Variants in ATXN7L2 observed in about 807,000 individuals in gnomAD.
ATXN7L2 encodes the protein ataxin 7 like 2.
Under a neutral mutation model 59.6 loss-of-function variants are expected in ATXN7L2, and 17 were observed. That is an observed-to-expected ratio of 0.29 (90% CI 0.20 to 0.43). ATXN7L2 has a LOEUF of 0.43. Ranked by LOEUF, ATXN7L2 falls within the 20% of genes least tolerant of loss-of-function variation. The pLI is 1.00. For missense variants in ATXN7L2, 858 were observed against 1,008.9 expected (o/e 0.85, Z 2.03); for synonymous variants, 378 against 392.5 (o/e 0.96, Z 0.44).
chr1:109,488,453 G>A lies in ATXN7L2; in HGVS notation c.867G>A (p.Leu289=), dbSNP rs781191079. The A allele has an allele frequency of 9.3e-6, 15 of 1,608,974 alleles. No individual in the cohort carries two copies. In the African/African-American group the frequency reaches 1.5e-4, roughly 16 times the overall value. ...AGACCAAAAAGATCTGTACCCGCCTGTTGACCTGCAAGGTAACCCCCTTCC... is the reference window on the plus strand; with the variant it reads ...AGACCAAAAAGATCTGTACCCGCCTATTGACCTGCAAGGTAACCCCCTTCC... The part of the protein sequence containing the change: ...NPETKKICTR[L]LTCKIHSVHQ... Residue 289 remains leucine (L), a synonymous_variant, in exon 6 of 11, where the codon CTG becomes CTA. Coordinates refer to ENST00000683729, the MANE Select transcript of ATXN7L2 (RefSeq NM_001350175.2). This position sits in a 1 kb window ranked among gnomAD's most constrained non-coding sequence, Gnocchi z 5.0.
At chr1:109,485,280 G>C in intron 1 of ATXN7L2, 1 of 877,418 alleles carries the variant, frequency 1.1e-6, no homozygotes, top group Non-Finnish European at 1.3e-6. Flanking sequence ...GAGGTAGGGG[G>C]ATGGGGAAAA....
At chr1:109,484,108 G>T in intron 1 of ATXN7L2, 28 bp downstream of exon 1, 1 of 1,477,954 alleles carries the variant, frequency 6.8e-7, no homozygotes, top group Non-Finnish European at 9.0e-7. Flanking sequence ...AAAGTCCGGG[G>T]ACCCCATCAC....
At chr1:109,485,980 G>A in intron 1 of ATXN7L2, 77 bp from the exon 2 acceptor site, 10 of 1,440,536 alleles carry the variant, frequency 6.9e-6, no homozygotes, top group Non-Finnish European at 8.2e-6. Flanking sequence ...CTTCTGGGAA[G>A]AACAGTCTCT....
chr1:109,488,207 C>G lies in ATXN7L2; in HGVS notation c.797-176C>G, dbSNP rs567756300. The stretch of plus-strand genomic sequence containing the variant: ...AATTGGGATAGGGATGGTTCTCACA[C>G]CCAGCAAGGAGATGTTGATGCCCAG... On this transcript the variant is annotated intron_variant, in intron 5 of 10. Transcript: ENST00000683729. The surrounding 1 kb of genome is among the most constrained non-coding windows in gnomAD (Gnocchi z 5.0). Among the ~76,000 whole-genome samples the G allele has an allele frequency of 2.0e-5, 3 of 152,220 alleles. No individual in the cohort carries two copies. The highest frequency in any genetic ancestry group is 7.2e-5 in the African/African-American group (3 of 41,454).
At chr1:109,485,929 C>T in intron 1 of ATXN7L2, 128 bp from the exon 2 acceptor site, 1 of 1,353,830 alleles carries the variant, frequency 7.4e-7, no homozygotes, top group African/African-American at 1.5e-5. Context: ...AGCTGCAGGC[C>T]CTGCTTGGGG....
At position 109,490,254 on chromosome 1, in the gene ATXN7L2, C is replaced by G. The variant is rs759325363; in HGVS notation, c.1333-17C>G. 1.2e-5 allele frequency: 20 copies of G among 1,613,040 alleles called. No homozygotes were observed. The South Asian group carries it at 2.2e-4, about 18-fold the overall frequency. On this transcript the variant is annotated splice_polypyrimidine_tract_variant and intron_variant, in intron 8 of 10. Coordinates refer to ENST00000683729, the MANE Select transcript of ATXN7L2 (RefSeq NM_001350175.2). ...ACCCCAGACCCTGCCAACCATGCAC[C>G]TTCCTTCTGCCTTTAGTTCTGCACC...
Position 109,491,150 on chromosome 1 carries a change from C to T in ATXN7L2, c.1683C>T (p.Ser561=), listed in dbSNP as rs999717899. Residue 561 remains serine, a synonymous_variant, in exon 10 of 11, where the codon AGC becomes AGT. Coordinates refer to ENST00000683729, the MANE Select transcript of ATXN7L2 (RefSeq NM_001350175.2). This position sits in a 1 kb window ranked among gnomAD's most constrained non-coding sequence, Gnocchi z 4.1. ...ACSQAECMGG[S]QAITSPLPAN... ...GCCAGGCAGAGTGCATGGGCGGGAG[C>T]CAGGCTATCACCTCACCACTGCCTG... 6.2e-7 allele frequency: 1 copy of T among 1,613,648 alleles called. No homozygotes were observed. The highest frequency in any genetic ancestry group is 1.3e-5 in the African/African-American group (1 of 75,068).
In ATXN7L2 at chr1:109,491,488, C is replaced by T; in HGVS notation, c.2021C>T (p.Ala674Val). ...SPHQLPTPVK[A>V]SQLENRGAAG... ...CATCAGCTCCCCACACCAGTCAAGG[C>T]TTCTCAGCTGGAGAACCGGGGAGCA... Residue 674 changes from alanine (A) to valine (V), a missense_variant, in exon 10 of 11, where the codon GCT (alanine) becomes GTT (valine). Ala to Val is a moderately conservative substitution (Grantham distance 64, BLOSUM62 0). Coordinates refer to ENST00000683729, the MANE Select transcript of ATXN7L2 (RefSeq NM_001350175.2). The surrounding 1 kb of genome is among the most constrained non-coding windows in gnomAD (Gnocchi z 4.1). 6.2e-7 allele frequency: 1 copy of T among 1,614,002 alleles called. No homozygotes were observed.
In ATXN7L2 at chr1:109,489,938, C is replaced by G. The variant is rs1473062293; in HGVS notation, c.1142C>G (p.Ala381Gly). The part of the protein sequence containing the change: ...YPYCALPRSR[A>G]SSESELDDEG... The stretch of plus-strand genomic sequence containing the variant: ...CCTTTTGGCCCTTCCAGGTCCCGGG[C>G]CTCCTCCGAGAGTGAATTGGATGAT... Residue 381 changes from alanine to glycine, a missense_variant, in exon 8 of 11, where the codon GCC becomes GGC. Ala to Gly is a moderately conservative substitution (Grantham distance 60, BLOSUM62 0). Transcript: ENST00000683729. The G allele has an allele frequency of 1.2e-6, 2 of 1,613,366 alleles. No homozygotes were observed. The highest frequency in any genetic ancestry group is 1.3e-5 in the African/African-American group (1 of 74,866).
In ATXN7L2 at chr1:109,490,010, C is replaced by G. The variant is rs928273132; in HGVS notation, c.1214C>G (p.Pro405Arg). 5.6e-6 allele frequency: 9 copies of G among 1,613,332 alleles called. No individual in the cohort carries two copies. Among genetic ancestry groups the G allele is most frequent in the Non-Finnish European group, 7.6e-6 (9 of 1,179,796 alleles). The change falls in exon 8 of 11, where the codon CCC becomes CGC. Residue 405 changes from proline (P) to arginine (R), a missense_variant. Pro to Arg is a moderately radical substitution (Grantham distance 103, BLOSUM62 -2). This residue lies in a region of ATXN7L2 where 734 missense variants were observed against 862.3 expected (regional missense o/e 0.85). Coordinates refer to ENST00000683729, the MANE Select transcript of ATXN7L2 (RefSeq NM_001350175.2). ...GGGGACCCAGGCCTGTTCCCCTTCCCCATGCCCCGGGGTGGGACCCAGGCC... is the reference window on the plus strand; with the variant it reads ...GGGGACCCAGGCCTGTTCCCCTTCCGCATGCCCCGGGGTGGGACCCAGGCC... ...GDGDPGLFPF[P>R]MPRGGTQASS...
Position 109,491,452 on chromosome 1 carries a change from G to A in ATXN7L2, c.1985G>A (p.Arg662His), listed in dbSNP as rs143266660. Residue 662 changes from arginine (R) to histidine (H), a missense_variant, in exon 10 of 11, where the codon CGT (arginine) becomes CAT (histidine). Physicochemically the swap from Arg to His is conservative, Grantham distance 29 (BLOSUM62 0). Around this residue, in one of 3 missense-constraint regions of ATXN7L2, gnomAD observed 734 missense variants for 862.3 expected, o/e 0.85. Transcript: ENST00000683729. The surrounding 1 kb of genome is among the most constrained non-coding windows in gnomAD (Gnocchi z 4.1). ...AAGCGGGCAGGGCCCCTGGACTGTC[G>A]TGGCTCCCCTCATCAGCTCCCCACA... ...RVKRAGPLDC[R>H]GSPHQLPTPV... is the part of the protein sequence containing the mutation. The A allele has an allele frequency of 2.2e-4, 349 of 1,614,030 alleles. 1 individual carries two copies. The African/African-American group carries it at 2.7e-3, about 12-fold the overall frequency.
intron 1 of ATXN7L2, among the ~76,000 whole-genome samples, chr1:109,484,721 G>A (rs1656450036): frequency 6.6e-6 from 1 of 152,138 alleles, no homozygotes; most frequent in African/African-American, 2.4e-5. Flanking sequence ...GCCTTAGTGA[G>A]CGGGCCTACA....
At position 109,483,915 on chromosome 1, in the gene ATXN7L2, C is replaced by G; in HGVS notation, c.-39C>G. On this transcript the variant is annotated 5_prime_UTR_variant, in exon 1 of 11. Transcript: ENST00000683729. ...ACGGGGCGAGGGGGAGGGGGCCGCGCGGCGGCGGCGCCAGGGCGGGCGCGC... is the reference window on the plus strand; with the variant it reads ...ACGGGGCGAGGGGGAGGGGGCCGCGGGGCGGCGGCGCCAGGGCGGGCGCGC... The G allele has an allele frequency of 8.6e-7, 1 of 1,161,018 alleles. No individual in the cohort carries two copies. Among genetic ancestry groups the G allele is most frequent in the East Asian group, 4.1e-5 (1 of 24,446 alleles). 71.9% of individuals were successfully genotyped at this position (1,161,018 alleles called of 1,614,324 possible). A position where few individuals can be genotyped will look rare whatever the true frequency, so the allele number is the denominator to read the frequency against.
chr1:109,487,171 A>G lies in ATXN7L2; in HGVS notation c.463A>G (p.Ser155Gly). The G allele has an allele frequency of 6.3e-7, 1 of 1,596,314 alleles. No homozygotes were observed. Among genetic ancestry groups the G allele is most frequent in the Non-Finnish European group, 8.5e-7 (1 of 1,171,246 alleles). The change falls in exon 4 of 11, where the codon AGC becomes GGC. Residue 155 changes from serine (S) to glycine (G), a missense_variant. Around this residue, in one of 3 missense-constraint regions of ATXN7L2, gnomAD observed 734 missense variants for 862.3 expected, o/e 0.85. Transcript: ENST00000683729. ...CAGGGAGAAGGGCCAGGGGTCCCGG[A>G]GCCGTGGCCACCAGCCTCCTGAGAA... The part of the protein sequence containing the change: ...SSREKGQGSR[S>G]RGHQPPEKTQ...
intron 7 of ATXN7L2, 84 bp downstream of exon 7, chr1:109,489,184 G>A (rs1368314698): frequency 2.6e-6 from 4 of 1,512,618 alleles, no homozygotes; most frequent in East Asian, 2.3e-5. Context: ...GGCTCAGGGA[G>A]TGTCCTGGAA....
rs759870447 is a variant in ATXN7L2 at position 109,491,665 on chromosome 1, G to T, written c.2198G>T (p.Arg733Leu). 3.7e-5 allele frequency: 60 copies of T among 1,610,464 alleles called. No individual in the cohort carries two copies. The highest frequency in any genetic ancestry group is 5.0e-5 in the Non-Finnish European group (59 of 1,178,370). The change falls in exon 10 of 11, where the codon CGC becomes CTC. Residue 733 changes from arginine to leucine, a missense_variant. Transcript: ENST00000683729. The surrounding 1 kb of genome is among the most constrained non-coding windows in gnomAD (Gnocchi z 4.1). ...GCTGATGTGGCCTGCTCTGTGCGCC[G>T]CAAGAAGCCAGGCCCGGCCCTGGCC... ...APADVACSVR[R>L]KKPGPALAFE...
chr1:109,488,821 C>A lies in ATXN7L2; in HGVS notation c.880-26C>A. On this transcript the variant is annotated intron_variant, in intron 6 of 10. Coordinates refer to ENST00000683729, the MANE Select transcript of ATXN7L2 (RefSeq NM_001350175.2). The surrounding 1 kb of genome is among the most constrained non-coding windows in gnomAD (Gnocchi z 5.0). ...CCCTTCTCAGTTCATACCTACTCCC[C>A]AGCTCTCCACTCTGCTGTATTCTAG... 6.2e-7 allele frequency: 1 copy of A among 1,603,334 alleles called. No individual in the cohort carries two copies. Among genetic ancestry groups the A allele is most frequent in the South Asian group, 1.1e-5 (1 of 90,358 alleles).
At chr1:109,492,435 C>G (rs1657168303) in intron 10 of ATXN7L2, 151 bp from the exon 11 acceptor site, 1 of 1,061,632 alleles carries the variant, frequency 9.4e-7, no homozygotes, top group Non-Finnish European at 1.4e-6. Context: ...CCCTGGTGAG[C>G]TGGCATTCAT....
intron 8 of ATXN7L2, 30 bp downstream of exon 8, chr1:109,490,158 G>C (rs373264806): frequency 6.4e-7 from 1 of 1,564,208 alleles, no homozygotes; most frequent in South Asian, 1.2e-5. Context: ...GCCTATGGAG[G>C]GGGTGGCCCA....
Sources: gnomAD v4.1 joint callset for allele counts (sites outside exome capture counted in the v4.1 genomes callset) on GRCh38, gnomAD v4.1.1 for gene constraint, gnomAD v4.1.1 regional missense constraint, Gnocchi (gnomAD v3.1) non-coding constraint, MANE v1.5 for transcripts, NCBI Gene and HGNC (gene_info 2026-07-23, HGNC 2026-07-21) for gene names.